Variants in HFM1 observed in about 807,000 individuals in gnomAD.
The protein encoded by HFM1 is probable ATP-dependent DNA helicase HFM1.
In HFM1, 169 loss-of-function variants were observed where a neutral mutation model predicts 192.1. The ratio of observed to expected loss-of-function variants is 0.88; its 90% confidence interval spans 0.78 to 1.00. The LOEUF (loss-of-function observed/expected upper bound fraction) is 1.00. Ranked by LOEUF, HFM1 falls within the 50% of genes least tolerant of loss-of-function variation. HFM1 has a pLI of 0.00. For synonymous variants in HFM1, 525 were observed against 537.8 expected, an observed-to-expected ratio of 0.98 and a Z score of 0.33; for missense variants, 1,661 against 1,668.0, an observed-to-expected ratio of 1.00 and a Z score of 0.07.
chr1:91,361,120 A>G (rs528970879), intron 13 of HFM1, among the ~76,000 whole-genome samples: 22 of 152,134 alleles, frequency 1.4e-4, no homozygotes, highest in Admixed American at 2.0e-4. Context: ...ACAACCTAAC[A>G]TCTCAACTAA....
chr1:91,355,381 C>T (rs1215068987), intron 13 of HFM1, among the ~76,000 whole-genome samples: 5 of 149,854 alleles, frequency 3.3e-5, no homozygotes, highest in Admixed American at 2.0e-4. Flanking sequence ...ACCCTGAAGG[C>T]AAATGAATTA....
At chr1:91,404,656 G>A (rs1198775012) in intron 1 of HFM1, 142 bp downstream of exon 1, 2 of 280,270 alleles carry the variant, frequency 7.1e-6, no homozygotes, top group South Asian at 2.6e-5. Context: ...CCAACAACTC[G>A]CCGCGCCCGT....
chr1:91,334,623 A>G (rs1654308176), intron 20 of HFM1, among the ~76,000 whole-genome samples: 1 of 152,036 alleles, frequency 6.6e-6, no homozygotes, highest in Non-Finnish European at 1.5e-5. Flanking sequence ...GATGAAATGG[A>G]ATTCACTTAA....
chr1:91,377,945 C>T (rs1661093655), intron 11 of HFM1, 80 bp downstream of exon 11: 1 of 1,295,324 alleles, frequency 7.7e-7, no homozygotes, highest in East Asian at 2.3e-5. Flanking sequence ...CAAAAAAATT[C>T]ACTTTTCTCT....
intron 4 of HFM1, among the ~76,000 whole-genome samples, chr1:91,391,832 T>C (rs1415847965): frequency 6.6e-6 from 1 of 152,146 alleles, no homozygotes; most frequent in African/African-American, 2.4e-5. Flanking sequence ...GAGAAAACTT[T>C]TGCAATCTAC....
At chr1:91,330,357 A>G (rs1187698025) in intron 20 of HFM1, among the ~76,000 whole-genome samples, 1 of 152,224 alleles carries the variant, frequency 6.6e-6, no homozygotes, top group Non-Finnish European at 1.5e-5. Context: ...AAGGATCATT[A>G]GTGGCTACTA....
chr1:91,273,874 G>T, intron 33 of HFM1, 59 bp from the exon 34 acceptor site: 2 of 923,240 alleles, frequency 2.2e-6, no homozygotes. Flanking sequence ...ATCTAAGCCT[G>T]AAAACTATTT....
chr1:91,352,824 T>C (rs1251773137), intron 15 of HFM1, among the ~76,000 whole-genome samples, 173 bp from the exon 16 acceptor site: 2 of 151,882 alleles, frequency 1.3e-5, no homozygotes, highest in Non-Finnish European at 2.9e-5. Context: ...TCCAAAAACC[T>C]ATTAAATTCT....
intron 32 of HFM1, among the ~76,000 whole-genome samples, chr1:91,275,658 T>C (rs1344197654): frequency 6.6e-6 from 1 of 152,190 alleles, no homozygotes; most frequent in African/African-American, 2.4e-5. Flanking sequence ...TTGTCTCTTA[T>C]AACCAATGAA....
chr1:91,268,934 A>G (rs1666019979), intron 34 of HFM1, among the ~76,000 whole-genome samples: 1 of 152,130 alleles, frequency 6.6e-6, no homozygotes, highest in Non-Finnish European at 1.5e-5. Context: ...CATTGACTTA[A>G]GCAACTTCTT....
chr1:91,307,739 C>T (rs10923007), intron 30 of HFM1, among the ~76,000 whole-genome samples: 2 of 152,064 alleles, frequency 1.3e-5, no homozygotes, highest in Non-Finnish European at 2.9e-5. Flanking sequence ...TAGGCATGAG[C>T]CACTAAGCCT....
At chr1:91,275,739 T>C (rs1263683825) in intron 32 of HFM1, among the ~76,000 whole-genome samples, 1 of 152,204 alleles carries the variant, frequency 6.6e-6, no homozygotes, top group Non-Finnish European at 1.5e-5. Flanking sequence ...CTATTGCCAC[T>C]ACCCTAAACT....
At chr1:91,370,688 G>T (rs1660062839) in intron 13 of HFM1, among the ~76,000 whole-genome samples, 1 of 152,088 alleles carries the variant, frequency 6.6e-6, no homozygotes, top group South Asian at 2.1e-4. Context: ...CACAAGATAG[G>T]GATGCCCTCT....
At chr1:91,304,107 G>A (rs1006731645) in intron 30 of HFM1, among the ~76,000 whole-genome samples, 5 of 151,980 alleles carry the variant, frequency 3.3e-5, no homozygotes, top group African/African-American at 7.2e-5. Context: ...TACCCGCCTC[G>A]GCCTCCCAAA....
intron 36 of HFM1, 113 bp downstream of exon 36, chr1:91,265,904 T>C (rs764167002): frequency 1.7e-5 from 23 of 1,384,506 alleles, no homozygotes; most frequent in South Asian, 8.3e-5. Context: ...AGGGTTTAGG[T>C]TGGCTAATAC....
intron 13 of HFM1, among the ~76,000 whole-genome samples, chr1:91,369,639 G>A (rs1310092647): frequency 6.6e-6 from 1 of 152,070 alleles, no homozygotes; most frequent in Non-Finnish European, 1.5e-5. Context: ...AGAGAAAGCA[G>A]GAAAGATAAA....
intron 20 of HFM1, among the ~76,000 whole-genome samples, chr1:91,330,848 G>A (rs1327703059): frequency 6.6e-6 from 1 of 152,068 alleles, no homozygotes; most frequent in Non-Finnish European, 1.5e-5. Context: ...ATAGTTCAAC[G>A]TATACAAATC....
At chr1:91,274,507 A>T (rs1666618739) in intron 33 of HFM1, among the ~76,000 whole-genome samples, 2 of 152,048 alleles carry the variant, frequency 1.3e-5, no homozygotes, top group African/African-American at 4.8e-5. Context: ...TTCCTAGGGA[A>T]GAGATGATCT....
At chr1:91,349,158 G>A (rs1020987425) in intron 18 of HFM1, among the ~76,000 whole-genome samples, 1 of 151,976 alleles carries the variant, frequency 6.6e-6, no homozygotes, top group African/African-American at 2.4e-5. Flanking sequence ...GTGTGGTGGT[G>A]CGTGCCTGTA....
Sources: allele counts gnomAD v4.1 joint callset (sites outside exome capture counted in the v4.1 genomes callset), GRCh38; gene constraint gnomAD v4.1.1; transcripts MANE v1.5; gene names NCBI Gene and HGNC (gene_info 2026-07-23, HGNC 2026-07-21).